The following ATAD3B variants were observed in gnomAD, a reference collection of about 807,000 sequenced individuals.
ATAD3B encodes the protein ATPase family AAA domain containing 3B.
In ATAD3B, 59 loss-of-function variants were observed where a neutral mutation model predicts 70.2. That is an observed-to-expected ratio of 0.84 (90% CI 0.68 to 1.04). The LOEUF (loss-of-function observed/expected upper bound fraction) is 1.04, where lower values mean the gene tolerates loss of function less well. Ranked by LOEUF, ATAD3B falls within the 50% of genes least tolerant of loss-of-function variation. ATAD3B has a pLI of 0.00. For synonymous variants in ATAD3B, 423 were observed against 388.6 expected (o/e 1.09, Z -1.04); for missense variants, 961 against 913.4 (o/e 1.05, Z -0.67).
At chr1:1,481,051 G>A in intron 5 of ATAD3B, 115 bp downstream of exon 5, 1 of 1,506,382 alleles carries the variant, frequency 6.6e-7, no homozygotes, top group Non-Finnish European at 8.8e-7. Context: ...CAGTGCAGTG[G>A]GCGAGGCCTG....
At position 1,477,770 on chromosome 1, in the gene ATAD3B, A is replaced by G. The variant is rs150590495; in HGVS notation, c.282+420A>G. On this transcript the variant is annotated intron_variant, in intron 2 of 15. Coordinates refer to ENST00000673477, the MANE Select transcript of ATAD3B (RefSeq NM_031921.6). ...GCCTAGGCTGGAGTGCAATGGCGCA[A>G]TCTCGGCTCACTGCAACCTCCGCCT... 8.7e-3 allele frequency among the ~76,000 whole-genome samples: 1,314 copies of G among 151,532 alleles called. 29 individuals carry two copies. The highest frequency in any genetic ancestry group is 0.027 in the Middle Eastern group (8 of 294).
the ATAD3B span, chr1:1,503,635 C>T: frequency 6.2e-7 from 1 of 1,612,096 alleles, no homozygotes; most frequent in South Asian, 1.1e-5. Flanking sequence ...GCAGACGCTG[C>T]AGTTGGAGCA....
the ATAD3B span, among the ~76,000 whole-genome samples, chr1:1,509,050 G>T: frequency 6.6e-6 from 1 of 151,826 alleles, no homozygotes; most frequent in Non-Finnish European, 1.5e-5. Flanking sequence ...GTCCACACAC[G>T]TGCTGGGCTC....
At chr1:1,508,965 A>G in the ATAD3B span, among the ~76,000 whole-genome samples, 1 of 151,726 alleles carries the variant, frequency 6.6e-6, no homozygotes, top group Admixed American at 6.5e-5. Flanking sequence ...GCTTTCTATT[A>G]TTAGAAAGTC....
At position 1,490,554 on chromosome 1, in the gene ATAD3B, C is replaced by A. The variant is rs1325280767; in HGVS notation, c.1506-9C>A. 1 of 1,611,166 alleles carries A rather than the reference C, an allele frequency of 6.2e-7. No homozygotes were observed. The highest frequency in any genetic ancestry group is 8.5e-7 in the Non-Finnish European group (1 of 1,179,022). ...CCTTGGCTGCCTCACTTGGGAACTC[C>A]TTCCCCAGGCGCCTGAAGCTGGCCC... On this transcript the variant is annotated splice_polypyrimidine_tract_variant and intron_variant, in intron 14 of 15. Transcript: ENST00000673477.
Position 1,496,231 on chromosome 1 carries a change from G to C in ATAD3B, c.*414G>C. The C allele has an allele frequency of 1.0e-6, 1 of 1,000,572 alleles. No homozygotes were observed. The highest frequency in any genetic ancestry group is 1.2e-6 in the Non-Finnish European group (1 of 840,002). The allele number at this position is 1,000,572 out of a possible 1,614,324, so 62.0% of individuals were successfully genotyped here. A position where few individuals can be genotyped will look rare whatever the true frequency, so the allele number is the denominator to read the frequency against. The stretch of plus-strand genomic sequence containing the variant: ...CCGTGTCTCTCTATTGACTGACACT[G>C]CTCGGGGTTTCAGGGGCGCCCTAGC... On this transcript the variant is annotated 3_prime_UTR_variant, in exon 16 of 16. Transcript: ENST00000673477.
chr1:1,486,510 A>T lies in ATAD3B; in HGVS notation c.1090-34A>T, dbSNP rs745516549. On this transcript the variant is annotated intron_variant, in intron 10 of 15. Coordinates refer to ENST00000673477, the MANE Select transcript of ATAD3B (RefSeq NM_031921.6). ...CAGGCTTTGCAGAGGCAGAGGGAAC[A>T]TCTGTTCTGTCTCCCCTCACTCTTC... 9 of 1,611,854 alleles carry T rather than the reference A, an allele frequency of 5.6e-6. No individual in the cohort carries two copies. The South Asian group carries it at 8.8e-5, about 16-fold the overall frequency.
chr1:1,471,843 G>A lies in ATAD3B; in HGVS notation c.-42G>A. 7 of 1,266,448 alleles carry A rather than the reference G, an allele frequency of 5.5e-6. No homozygotes were observed. The highest frequency in any genetic ancestry group is 3.1e-5 in the East Asian group (1 of 32,580). The allele number at this position is 1,266,448 out of a possible 1,614,324, so 78.5% of individuals were successfully genotyped here. On this transcript the variant is annotated 5_prime_UTR_variant, in exon 1 of 16. Coordinates refer to ENST00000673477, the MANE Select transcript of ATAD3B (RefSeq NM_031921.6). Reference sequence around the variant, plus strand: ...CCCAGCCGCGCCCGAGTCAGACTCGGGTGGGGGTCCCGGCGGCGGTAGCGG... The same window carrying A: ...CCCAGCCGCGCCCGAGTCAGACTCGAGTGGGGGTCCCGGCGGCGGTAGCGG...
In ATAD3B at chr1:1,497,147, G is replaced by C. The variant is rs1483373451; in HGVS notation, c.*1330G>C. On this transcript the variant is annotated 3_prime_UTR_variant, in exon 16 of 16. Coordinates refer to ENST00000673477, the MANE Select transcript of ATAD3B (RefSeq NM_031921.6). Reference sequence around the variant, plus strand: ...CCCCTCGGAGCTGCAGTGCTTGGAGGGGGGCGGTCTACCTCTGCTCGCTCT... The same window carrying C: ...CCCCTCGGAGCTGCAGTGCTTGGAGCGGGGCGGTCTACCTCTGCTCGCTCT... The C allele has an allele frequency of 6.6e-6, 1 of 152,080 alleles. No individual in the cohort carries two copies. Among genetic ancestry groups the C allele is most frequent in the Non-Finnish European group, 1.5e-5 (1 of 68,170 alleles). 9.4% of individuals were successfully genotyped at this position (152,080 alleles called of 1,614,324 possible). A position where few individuals can be genotyped will look rare whatever the true frequency, so the allele number is the denominator to read the frequency against.
chr1:1,496,362 A>T lies in ATAD3B; in HGVS notation c.*545A>T. ...TCACATCAGCCTCGCGCCACATCCG[A>T]GTTGGGGTCTGAATGCTGCCCGGGA... On this transcript the variant is annotated 3_prime_UTR_variant, in exon 16 of 16. Transcript: ENST00000673477. 1.6e-6 allele frequency: 1 copy of T among 639,650 alleles called. No individual in the cohort carries two copies. Among genetic ancestry groups the T allele is most frequent in the African/African-American group, 2.0e-5 (1 of 50,678 alleles). 39.6% of individuals were successfully genotyped at this position (639,650 alleles called of 1,614,324 possible).
At position 1,476,787 on chromosome 1, in the gene ATAD3B, C is replaced by A. The variant is rs145788664; in HGVS notation, c.206-487C>A. Among the ~76,000 whole-genome samples, 60 of 151,966 alleles carry A rather than the reference C, an allele frequency of 3.9e-4. 2 individuals are homozygous for A. The East Asian group carries it at 0.01, about 25-fold the overall frequency. ...CCTCCCAAAGTGCTGGGATTACAGG[C>A]GTGAGCCACCACGCCCTGCTAGAAT... On this transcript the variant is annotated intron_variant, in intron 1 of 15. Coordinates refer to ENST00000673477, the MANE Select transcript of ATAD3B (RefSeq NM_031921.6).
rs780393780 is a variant in ATAD3B, at chr1:1,495,635, C to T, written c.1765C>T (p.Gln589Ter). The T allele has an allele frequency of 8.7e-6, 14 of 1,612,870 alleles. No individual in the cohort carries two copies. The highest frequency in any genetic ancestry group is 1.1e-5 in the Non-Finnish European group (13 of 1,179,402). ...RGVEHPLSGV[Q>*]GETLTSWSLA... ...GGTCGAGCACCCCCTATCCGGAGTC[C>T]AAGGCGAGACCCTCACCTCATGGAG... The change falls in exon 16 of 16, where the codon CAA becomes TAA. Residue 589 changes from glutamine to a stop codon, truncating the protein, a stop_gained. Coordinates refer to ENST00000673477, the MANE Select transcript of ATAD3B (RefSeq NM_031921.6). LOFTEE classifies it low-confidence loss of function (END_TRUNC).
chr1:1,499,327 CTT>C (rs1303755899), downstream of ATAD3B, among the ~76,000 whole-genome samples: 3 of 128,166 alleles, frequency 2.3e-5, no homozygotes, highest in Non-Finnish European at 4.7e-5. Flanking sequence ...ACTTCTGCCT[CTT>C]GGGTTCAAGT....
chr1:1,503,776 G>A, the ATAD3B span: 4 of 1,479,926 alleles, frequency 2.7e-6, no homozygotes, highest in Non-Finnish European at 2.8e-6. Flanking sequence ...GGCAGCAGTG[G>A]GGTGCAGGGC....
In ATAD3B at chr1:1,496,517, C is replaced by A. The variant is rs1176294649; in HGVS notation, c.*700C>A. On this transcript the variant is annotated 3_prime_UTR_variant, in exon 16 of 16. Coordinates refer to ENST00000673477, the MANE Select transcript of ATAD3B (RefSeq NM_031921.6). ...CTGCGCCCAGGTGTAAGAGGGCACG[C>A]TTCTGCCCAGGCATCGTCCATGGAA... The A allele has an allele frequency of 1.3e-5, 2 of 152,258 alleles. No homozygotes were observed. Among genetic ancestry groups the A allele is most frequent in the African/African-American group, 4.8e-5 (2 of 41,356 alleles). 9.4% of individuals were successfully genotyped at this position (152,258 alleles called of 1,614,324 possible). A position where few individuals can be genotyped will look rare whatever the true frequency, so the allele number is the denominator to read the frequency against.
At chr1:1,492,332 G>A (rs549906952) in intron 15 of ATAD3B, among the ~76,000 whole-genome samples, 102 of 150,138 alleles carry the variant, frequency 6.8e-4, no homozygotes, top group Middle Eastern at 3.5e-3. Context: ...CAAAAAATAC[G>A]AAAATTAGCT....
At chr1:1,478,444 C>T (rs750823508) in intron 2 of ATAD3B, 200 bp from the exon 3 acceptor site, 2 of 1,533,614 alleles carry the variant, frequency 1.3e-6, no homozygotes, top group Non-Finnish European at 1.8e-6. Flanking sequence ...GGCTTCTCTG[C>T]TGGTGCTTCT....
In ATAD3B at chr1:1,497,010, C is replaced by T. The variant is rs1489394917; in HGVS notation, c.*1193C>T. 5 of 145,956 alleles carry T rather than the reference C, an allele frequency of 3.4e-5. No homozygotes were observed. The South Asian group carries it at 6.6e-4, about 19-fold the overall frequency. The allele number at this position is 145,956 out of a possible 1,614,324, so 9.0% of individuals were successfully genotyped here. On this transcript the variant is annotated 3_prime_UTR_variant, in exon 16 of 16. Coordinates refer to ENST00000673477, the MANE Select transcript of ATAD3B (RefSeq NM_031921.6). ...CCATGGCGCAGAGCCTCATATTGGTCGATGAAACAATGCTTTCTGAACTTT... is the reference window on the plus strand; with the variant it reads ...CCATGGCGCAGAGCCTCATATTGGTTGATGAAACAATGCTTTCTGAACTTT...
chr1:1,500,831 C>T (rs754592579), downstream of ATAD3B, among the ~76,000 whole-genome samples: 9 of 151,362 alleles, frequency 5.9e-5, no homozygotes, highest in South Asian at 2.1e-4. Flanking sequence ...GTAGCAGGTG[C>T]CTGTAGTCCC....
Sources: allele counts gnomAD v4.1 joint callset (sites outside exome capture counted in the v4.1 genomes callset), GRCh38; gene constraint gnomAD v4.1.1; transcripts MANE v1.5; gene names NCBI Gene and HGNC (gene_info 2026-07-23, HGNC 2026-07-21).